UVRAG: variants seen among roughly 807,000 people sequenced by gnomAD.
UVRAG encodes UV radiation resistance associated, also known as UV radiation resistance-associated gene protein.
A neutral mutation model predicts 78.0 loss-of-function variants in UVRAG; 19 were observed. The observed-to-expected ratio is 0.24, with a 90% CI of 0.17 to 0.36. The LOEUF is 0.36. UVRAG is among the 10% of genes least tolerant of loss of function. The pLI is 1.00. For missense variants in UVRAG, 740 were observed against 853.8 expected, an observed-to-expected ratio of 0.87 and a Z score of 1.66; for synonymous variants, 323 against 324.6, an observed-to-expected ratio of 1.00 and a Z score of 0.05.
chr11:76,140,146 T>TCTCC (rs1236298956), intron 14 of UVRAG, among the ~76,000 whole-genome samples: 2,549 of 85,760 alleles, frequency 0.03, 148 homozygotes, highest in East Asian at 0.078. Context: ...TCTCTCTCTC[T>TCTCC]CTCCCTCCCT....
chr11:75,826,180 G>T (rs776991912), intron 1 of UVRAG, among the ~76,000 whole-genome samples: 10 of 149,678 alleles, frequency 6.7e-5, no homozygotes, highest in Admixed American at 1.3e-4. Context: ...CTTTTAAGAC[G>T]GAGTCTTGCT....
At chr11:75,841,975 G>A (rs907222687) in intron 1 of UVRAG, among the ~76,000 whole-genome samples, 9 of 152,142 alleles carry the variant, frequency 5.9e-5, no homozygotes, top group African/African-American at 2.2e-4. Context: ...GTCATTTCTG[G>A]AGGCTCCGAG....
chr11:75,865,443 G>A (rs974493629), intron 3 of UVRAG, among the ~76,000 whole-genome samples: 1 of 152,044 alleles, frequency 6.6e-6, no homozygotes, highest in Non-Finnish European at 1.5e-5. Flanking sequence ...AATGTTCTAC[G>A]TATTGTTCAG....
At chr11:75,821,941 G>GTTTTT (rs757078463) in intron 1 of UVRAG, among the ~76,000 whole-genome samples, 2 of 118,568 alleles carry the variant, frequency 1.7e-5, no homozygotes, top group Admixed American at 8.9e-5. Context: ...ATTTATCACT[G>GTTTTT]TTTTTTTTTT....
At chr11:75,931,414 C>T (rs1314485324) in intron 6 of UVRAG, among the ~76,000 whole-genome samples, 1 of 152,036 alleles carries the variant, frequency 6.6e-6, no homozygotes, top group Non-Finnish European at 1.5e-5. Context: ...GGAAAAGAGA[C>T]CCCAAGGTAG....
At chr11:75,839,503 C>T (rs1205822585) in intron 1 of UVRAG, among the ~76,000 whole-genome samples, 1 of 151,656 alleles carries the variant, frequency 6.6e-6, no homozygotes, top group East Asian at 1.9e-4. Flanking sequence ...GATGGCTACC[C>T]TATTGCCCTA....
intron 1 of UVRAG, among the ~76,000 whole-genome samples, chr11:75,836,003 A>G (rs922627573): frequency 3.3e-5 from 5 of 152,282 alleles, no homozygotes; most frequent in Non-Finnish European, 5.9e-5. Context: ...TGGGAGGCTG[A>G]GGCAGGAGAA....
chr11:76,019,959 G>A (rs1163724722), intron 12 of UVRAG, among the ~76,000 whole-genome samples: 2 of 152,128 alleles, frequency 1.3e-5, no homozygotes, highest in African/African-American at 4.8e-5. Flanking sequence ...CAGAGATGCT[G>A]TTTAGGAGGC....
At chr11:75,842,847 C>T (rs1254464621) in intron 1 of UVRAG, among the ~76,000 whole-genome samples, 1 of 152,200 alleles carries the variant, frequency 6.6e-6, no homozygotes, top group African/African-American at 2.4e-5. Flanking sequence ...GCAAATCAAA[C>T]TCAAACTCGA....
At chr11:76,040,874 T>G (rs1950636513) in intron 12 of UVRAG, among the ~76,000 whole-genome samples, 1 of 152,066 alleles carries the variant, frequency 6.6e-6, no homozygotes, top group Non-Finnish European at 1.5e-5. Context: ...GATTTTAAAA[T>G]GCAAGTGTTA....
At chr11:76,075,136 A>G (rs1439937795) in intron 13 of UVRAG, among the ~76,000 whole-genome samples, 1 of 152,216 alleles carries the variant, frequency 6.6e-6, no homozygotes, top group Non-Finnish European at 1.5e-5. Flanking sequence ...TTTTATTTTC[A>G]TAATTCTTGG....
chr11:75,975,627 AGTTGTGAATGG>A (rs1307851054), intron 7 of UVRAG, among the ~76,000 whole-genome samples: 1 of 152,160 alleles, frequency 6.6e-6, no homozygotes, highest in African/African-American at 2.4e-5. Flanking sequence ...TCTTTGAAGC[AGTTGTGAATGG>A]GAGTTCACTC....
intron 12 of UVRAG, among the ~76,000 whole-genome samples, chr11:76,045,952 A>G (rs1950746018): frequency 6.6e-6 from 1 of 152,160 alleles, no homozygotes; most frequent in Admixed American, 6.5e-5. Flanking sequence ...AGCCCACACT[A>G]AGGTACATCA....
At chr11:75,873,922 C>T (rs1215444209) in intron 3 of UVRAG, among the ~76,000 whole-genome samples, 1 of 152,182 alleles carries the variant, frequency 6.6e-6, no homozygotes, top group Non-Finnish European at 1.5e-5. Flanking sequence ...TCTCAGCGTC[C>T]TCGGTGGACA....
chr11:75,818,569 C>T (rs1460464530), intron 1 of UVRAG, among the ~76,000 whole-genome samples: 1 of 151,466 alleles, frequency 6.6e-6, no homozygotes. Context: ...ACCTCTGCCT[C>T]CTGGGTTCAA....
chr11:76,001,659 T>TA (rs1219950050), intron 8 of UVRAG, among the ~76,000 whole-genome samples: 5 of 152,184 alleles, frequency 3.3e-5, no homozygotes, highest in African/African-American at 7.2e-5. Flanking sequence ...TGTAGTATTT[T>TA]AAAAAACATG....
intron 7 of UVRAG, among the ~76,000 whole-genome samples, chr11:75,981,735 T>G (rs1222839831): frequency 6.6e-6 from 1 of 152,142 alleles, no homozygotes; most frequent in African/African-American, 2.4e-5. Context: ...TTTTGTTCAT[T>G]TTTTTTCAAG....
At chr11:75,836,392 G>GTTAA (rs756932671) in intron 1 of UVRAG, among the ~76,000 whole-genome samples, 52 of 152,276 alleles carry the variant, frequency 3.4e-4, no homozygotes, top group South Asian at 2.3e-3. Context: ...TGTTCACATT[G>GTTAA]TTAATAAGTA....
intron 6 of UVRAG, among the ~76,000 whole-genome samples, chr11:75,939,559 TCA>T (rs1335473935): frequency 6.6e-6 from 1 of 152,076 alleles, no homozygotes; most frequent in Non-Finnish European, 1.5e-5. Flanking sequence ...ATACATAGAC[TCA>T]CACATATGCA....
Sources: allele counts gnomAD v4.1 joint callset (sites outside exome capture counted in the v4.1 genomes callset), GRCh38; gene constraint gnomAD v4.1.1; transcripts MANE v1.5; gene names NCBI Gene and HGNC (gene_info 2026-07-23, HGNC 2026-07-21).